Variants in GFI1B observed in about 807,000 individuals in gnomAD.
GFI1B encodes growth factor independent 1B transcriptional repressor.
A neutral mutation model predicts 35.3 loss-of-function variants in GFI1B; 20 were observed. That is an observed-to-expected ratio of 0.57 (90% CI 0.40 to 0.82). The LOEUF (loss-of-function observed/expected upper bound fraction) is 0.82. Ranked by LOEUF, GFI1B falls within the 40% of genes least tolerant of loss-of-function variation. GFI1B has a pLI of 0.00. For missense variants in GFI1B, 430 were observed against 446.3 expected (o/e 0.96, Z 0.33); for synonymous variants, 178 against 177.6 (o/e 1.00, Z -0.02).
intron 2 of GFI1B, among the ~76,000 whole-genome samples, chr9:132,973,574 T>C (rs36029160): frequency 0.083 from 12,559 of 152,088 alleles, 568 homozygotes; most frequent in Admixed American, 0.11. Flanking sequence ...GCCAAATCTG[T>C]AGACAACAGA....
intron 1 of GFI1B, among the ~76,000 whole-genome samples, chr9:132,950,683 A>T (rs1391560487): frequency 1.2e-5 from 1 of 80,522 alleles, no homozygotes; most frequent in Non-Finnish European, 2.6e-5. Context: ...CACTATACAC[A>T]CTATGCACTA....
Position 132,987,294 on chromosome 9 carries a change from AG to A in GFI1B, c.115del (p.Ala39LeufsTer128). 6.2e-7 allele frequency: 1 copy of A among 1,614,066 alleles called. No homozygotes were observed. The highest frequency in any genetic ancestry group is 8.5e-7 in the Non-Finnish European group (1 of 1,179,980). On this transcript the variant is annotated frameshift_variant, in exon 3 of 7. Transcript: ENST00000372122. LOFTEE classifies it high-confidence loss of function. ...TATCTCCCCACAGTGCCCAGAGACC[AG>A]GCTCCAAGCAACAGCCCTGTCCTTA... is the stretch of plus-strand genomic sequence containing the variant. ...PPALTPVPRD[Q>X]APSNSPVLST...
At chr9:132,976,215 G>C (rs1277506157), upstream of GFI1B, among the ~76,000 whole-genome samples, 2 of 149,762 alleles carry the variant, frequency 1.3e-5, no homozygotes, top group Admixed American at 6.6e-5. Context: ...AACCATTAAA[G>C]ATTTAATGGT....
At chr9:132,954,947 G>A (rs933544252) in intron 1 of GFI1B, among the ~76,000 whole-genome samples, 62 of 152,186 alleles carry the variant, frequency 4.1e-4, no homozygotes, top group African/African-American at 1.4e-3. Context: ...TCGATCTCTT[G>A]ACCTCATGAT....
At chr9:132,969,356 G>C (rs577902353) in intron 1 of GFI1B, among the ~76,000 whole-genome samples, 13 of 152,280 alleles carry the variant, frequency 8.5e-5, no homozygotes, top group Admixed American at 3.3e-4. Context: ...GACTACTCTA[G>C]GTAACTCAGG....
intron 6 of GFI1B, 130 bp from the exon 7 acceptor site, chr9:132,990,742 T>G (rs1339608393): frequency 4.0e-6 from 3 of 756,310 alleles, no homozygotes; most frequent in African/African-American, 3.5e-5. Context: ...CTAAAGTGAA[T>G]GTGAGTTGGC....
intron 1 of GFI1B, among the ~76,000 whole-genome samples, chr9:132,961,900 C>G (rs1848370920): frequency 6.6e-6 from 1 of 151,984 alleles, no homozygotes; most frequent in Non-Finnish European, 1.5e-5. Context: ...CAAAATTCCC[C>G]AAATTTGACA....
At position 132,989,088 on chromosome 9, in the gene GFI1B, G is replaced by T. The variant is rs1405838680; in HGVS notation, c.538G>T (p.Val180Leu). The T allele has an allele frequency of 5.0e-6, 8 of 1,614,106 alleles. No homozygotes were observed. The highest frequency in any genetic ancestry group is 6.8e-6 in the Non-Finnish European group (8 of 1,179,946). The change falls in exon 5 of 7, where the codon GTG becomes TTG. Residue 180 changes from valine (V) to leucine (L), a missense_variant. Val to Leu is a conservative substitution (Grantham distance 32). Transcript: ENST00000372122. The surrounding 1 kb of genome is among the most constrained non-coding windows in gnomAD (Gnocchi z 6.2). ...KVFSTPHGLE[V>L]HVRRSHSGTR... ...CTTCTCCACCCCTCACGGGCTCGAA[G>T]TGCATGTGCGACGCTCCCATAGTGG... is the stretch of plus-strand genomic sequence containing the variant.
intron 3 of GFI1B, 90 bp downstream of exon 3, chr9:132,987,509 T>A: frequency 1.3e-6 from 2 of 1,493,630 alleles, no homozygotes; most frequent in Non-Finnish European, 9.2e-7. Context: ...CTTGGGGCCC[T>A]GGAGTCAGGA....
Position 132,990,732 on chromosome 9 carries a change from C to T in GFI1B, c.815-140C>T, listed in dbSNP as rs181381600. The T allele has an allele frequency of 1.4e-4, 100 of 725,544 alleles. No homozygotes were observed. In the African/African-American group the frequency reaches 1.6e-3, roughly 12 times the overall value. The allele number at this position is 725,544 out of a possible 1,614,324, so 44.9% of individuals were successfully genotyped here. ...CTTCTCTCTCTTTTCTAATTATTTT[C>T]TAAAGTGAATGTGAGTTGGCCATGA... is the stretch of plus-strand genomic sequence containing the variant. On this transcript the variant is annotated intron_variant, in intron 6 of 6. Coordinates refer to ENST00000372122, the MANE Select transcript of GFI1B (RefSeq NM_001377304.1).
chr9:132,984,313 G>C (rs770883464), intron 1 of GFI1B, among the ~76,000 whole-genome samples: 19 of 152,234 alleles, frequency 1.2e-4, no homozygotes, highest in Middle Eastern at 3.4e-3. Context: ...GGAAGGAAGG[G>C]GGGTGTGGGG....
chr9:132,984,576 C>T (rs1848963253), intron 1 of GFI1B, among the ~76,000 whole-genome samples: 1 of 152,212 alleles, frequency 6.6e-6, no homozygotes, highest in Non-Finnish European at 1.5e-5. Flanking sequence ...TTTGAATGCA[C>T]CTGCAGTGGG....
At position 132,988,407 on chromosome 9, in the gene GFI1B, T is replaced by G; in HGVS notation, c.449T>G (p.Leu150Trp). The G allele has an allele frequency of 1.2e-6, 2 of 1,614,152 alleles. No homozygotes were observed. The highest frequency in any genetic ancestry group is 3.3e-5 in the Admixed American group (2 of 60,030). ...CTTGTGCCCAGCACTGAGCCCGCCTTGGACTTCAGCCTCCGCTACTCCCCA... is the reference window on the plus strand; with the variant it reads ...CTTGTGCCCAGCACTGAGCCCGCCTGGGACTTCAGCCTCCGCTACTCCCCA... ...SPLVPSTEPA[L>W]DFSLRYSPGM... Residue 150 changes from leucine to tryptophan, a missense_variant, in exon 4 of 7, where the codon TTG becomes TGG. Physicochemically the swap from Leu to Trp is moderately conservative, Grantham distance 61. Transcript: ENST00000372122.
In GFI1B at chr9:132,989,865, C is replaced by A. The variant is rs1299732331; in HGVS notation, c.772C>A (p.His258Asn). The A allele has an allele frequency of 3.7e-6, 6 of 1,614,130 alleles. No individual in the cohort carries two copies. Among genetic ancestry groups the A allele is most frequent in the African/African-American group, 1.3e-5 (1 of 74,946 alleles). The stretch of plus-strand genomic sequence containing the variant: ...CTGCCAGTTCTGCGGCAAGCGTTTC[C>A]ACCAGAAGTCCGACATGAAGAAGCA... The part of the protein sequence containing the change: ...YPCQFCGKRF[H>N]QKSDMKKHTY... Residue 258 changes from histidine (H) to asparagine (N), a missense_variant, in exon 6 of 7, where the codon CAC (histidine) becomes AAC (asparagine). Coordinates refer to ENST00000372122, the MANE Select transcript of GFI1B (RefSeq NM_001377304.1). The surrounding 1 kb of genome is among the most constrained non-coding windows in gnomAD (Gnocchi z 6.2).
At chr9:132,979,169 A>G (rs1848722929) in intron 1 of GFI1B, among the ~76,000 whole-genome samples, 1 of 150,938 alleles carries the variant, frequency 6.6e-6, no homozygotes, top group Non-Finnish European at 1.5e-5. Context: ...AGGGAGACAC[A>G]CTTCCAAGTG....
intron 1 of GFI1B, among the ~76,000 whole-genome samples, chr9:132,955,808 ATGTGTG>A (rs3049917): frequency 0.016 from 2,300 of 146,532 alleles, 32 homozygotes; most frequent in Non-Finnish European, 0.02. Flanking sequence ...GTGTGTGTGC[ATGTGTG>A]TGTGTGTGTG....
chr9:132,963,350 C>T (rs899709397), intron 1 of GFI1B, among the ~76,000 whole-genome samples: 4 of 151,956 alleles, frequency 2.6e-5, no homozygotes, highest in South Asian at 4.2e-4. Flanking sequence ...TGTTGTGGCA[C>T]GCACTTGTAG....
intron 1 of GFI1B, among the ~76,000 whole-genome samples, chr9:132,985,477 G>A (rs1291862730): frequency 2.0e-5 from 3 of 152,192 alleles, no homozygotes; most frequent in African/African-American, 7.2e-5. Flanking sequence ...GTGCAGTGGA[G>A]TTGGGGGTCC....
At position 132,989,690 on chromosome 9, in the gene GFI1B, G is replaced by T; in HGVS notation, c.649-52G>T. The T allele has an allele frequency of 6.6e-7, 1 of 1,521,734 alleles. No individual in the cohort carries two copies. The highest frequency in any genetic ancestry group is 9.1e-7 in the Non-Finnish European group (1 of 1,100,538). The allele number at this position is 1,521,734 out of a possible 1,614,324, so 94.3% of individuals were successfully genotyped here. On this transcript the variant is annotated intron_variant, in intron 5 of 6. Transcript: ENST00000372122. This position sits in a 1 kb window ranked among gnomAD's most constrained non-coding sequence, Gnocchi z 6.2. Reference sequence around the variant, plus strand: ...CTGTTCCGCAGGGGATCCCGGCCGGGTCCAGTCCTGAGCCTGCACCTGACC... The same window carrying T: ...CTGTTCCGCAGGGGATCCCGGCCGGTTCCAGTCCTGAGCCTGCACCTGACC...
Sources: allele counts gnomAD v4.1 joint callset (sites outside exome capture counted in the v4.1 genomes callset), GRCh38; gene constraint gnomAD v4.1.1; non-coding constraint Gnocchi (gnomAD v3.1); transcripts MANE v1.5; gene names NCBI Gene and HGNC (gene_info 2026-07-23, HGNC 2026-07-21).